The following CLEC1A variants were observed in gnomAD, a reference collection of about 807,000 sequenced individuals.
CLEC1A encodes C-type lectin-like receptor-1.
A neutral mutation model predicts 28.7 loss-of-function variants in CLEC1A; 34 were observed. The observed-to-expected ratio is 1.18, with a 90% CI of 0.90 to 1.57. The LOEUF (loss-of-function observed/expected upper bound fraction) is 1.57, where lower values mean the gene tolerates loss of function less well. Among genes scored for constraint, CLEC1A ranks in the 40% most tolerant of loss-of-function variants. CLEC1A has a pLI of 0.00. For synonymous variants in CLEC1A, 116 were observed against 121.0 expected (o/e 0.96, Z 0.27); for missense variants, 385 against 339.5 (o/e 1.13, Z -1.05).
In CLEC1A at chr12:10,082,509, C is replaced by T. The variant is rs114879540; in HGVS notation, c.215-1096G>A. Among the ~76,000 whole-genome samples, 823 of 152,246 alleles carry T rather than the reference C, an allele frequency of 5.4e-3. 3 individuals carry two copies. The highest frequency in any genetic ancestry group is 0.019 in the African/African-American group (800 of 41,518). ...CCCCCACAGGATTCATGACAAGCCC[C>T]GTCCAAGGAGAGTGGGAGCTCAGAC... On this transcript the variant is annotated intron_variant, in intron 2 of 5. Coordinates refer to ENST00000315330, the MANE Select transcript of CLEC1A (RefSeq NM_016511.4).
intron 1 of CLEC1A, among the ~76,000 whole-genome samples, chr12:10,093,274 A>G (rs575587329): frequency 2.0e-5 from 3 of 151,544 alleles, no homozygotes; most frequent in African/African-American, 7.3e-5. Flanking sequence ...TATTTTTTGG[A>G]AGAGAACCCC....
chr12:10,073,545 G>C, intron 4 of CLEC1A, 134 bp from the exon 5 acceptor site: 2 of 649,058 alleles, frequency 3.1e-6, no homozygotes, highest in South Asian at 4.6e-5. Flanking sequence ...ATATGCTTAA[G>C]AGAAAAAGCA....
chr12:10,093,502 C>T (rs974074802), intron 1 of CLEC1A, among the ~76,000 whole-genome samples: 1 of 151,464 alleles, frequency 6.6e-6, no homozygotes, highest in Non-Finnish European at 1.5e-5. Context: ...GGAGAGTTGT[C>T]AGACTTAACC....
At chr12:10,083,603 G>C (rs572870689) in intron 2 of CLEC1A, among the ~76,000 whole-genome samples, 26 of 152,214 alleles carry the variant, frequency 1.7e-4, no homozygotes, top group Admixed American at 4.6e-4. Flanking sequence ...CTCTCAAGTG[G>C]CTGGGATTAC....
chr12:10,090,736 A>G (rs907659203), intron 1 of CLEC1A, among the ~76,000 whole-genome samples: 2 of 152,124 alleles, frequency 1.3e-5, no homozygotes, highest in African/African-American at 4.8e-5. Flanking sequence ...TGTGAATCTT[A>G]TTTCTTAGCA....
chr12:10,073,822 C>T (rs962604686), intron 4 of CLEC1A, among the ~76,000 whole-genome samples: 5 of 151,808 alleles, frequency 3.3e-5, no homozygotes, highest in Non-Finnish European at 5.9e-5. Flanking sequence ...GTTATAAATA[C>T]CTGGGAAAGG....
chr12:10,077,421 G>A (rs931864160), intron 3 of CLEC1A, among the ~76,000 whole-genome samples: 21 of 151,968 alleles, frequency 1.4e-4, no homozygotes, highest in African/African-American at 5.1e-4. Flanking sequence ...CCACCTCTCT[G>A]CTCCCCCCAA....
intron 1 of CLEC1A, among the ~76,000 whole-genome samples, chr12:10,093,078 C>T (rs1054417441): frequency 2.6e-5 from 4 of 152,080 alleles, no homozygotes; most frequent in African/African-American, 9.7e-5. Flanking sequence ...TTCTTTGATA[C>T]TATTTTTCCT....
intron 3 of CLEC1A, among the ~76,000 whole-genome samples, chr12:10,079,513 C>T (rs1054157246): frequency 1.4e-5 from 2 of 143,462 alleles, no homozygotes; most frequent in Non-Finnish European, 3.0e-5. Flanking sequence ...AGGAAAATCT[C>T]GGTTACCTTA....
chr12:10,072,634 A>AT (rs71434109), intron 5 of CLEC1A, among the ~76,000 whole-genome samples: 16 of 148,074 alleles, frequency 1.1e-4, no homozygotes, highest in Non-Finnish European at 1.5e-5. Flanking sequence ...TCAGGGAAAG[A>AT]TCTCTCTCTC....
chr12:10,071,323 A>G lies in CLEC1A; in HGVS notation c.*10T>C. On this transcript the variant is annotated 3_prime_UTR_variant, in exon 6 of 6. Transcript: ENST00000315330. ...GGCTCACTCTGCTATTTGTAGTTGC[A>G]GAGGGCGAATCAGTCACCTTCGCCT... The G allele has an allele frequency of 6.2e-7, 1 of 1,610,388 alleles. No individual in the cohort carries two copies. Among genetic ancestry groups the G allele is most frequent in the Non-Finnish European group, 8.5e-7 (1 of 1,178,210 alleles).
rs138044051 is a variant in CLEC1A, at chr12:10,089,442, G to A, written c.116-220C>T. 5.3e-4 allele frequency among the ~76,000 whole-genome samples: 81 copies of A among 152,026 alleles called. 1 individual carries two copies. The highest frequency in any genetic ancestry group is 1.8e-3 in the African/African-American group (75 of 41,476). Reference sequence around the variant, plus strand: ...CTAGATTTTCTCACAAGCCCCACCCGTTTGTATCCACCCCTCAAGTCTTAC... The same window carrying A: ...CTAGATTTTCTCACAAGCCCCACCCATTTGTATCCACCCCTCAAGTCTTAC... On this transcript the variant is annotated intron_variant, in intron 1 of 5. Transcript: ENST00000315330.
intron 3 of CLEC1A, 72 bp from the exon 4 acceptor site, chr12:10,075,727 T>G: frequency 7.6e-7 from 1 of 1,319,542 alleles, no homozygotes; most frequent in Non-Finnish European, 1.1e-6. Context: ...AATTATATAG[T>G]ATTTGATGTC....
chr12:10,080,147 A>G (rs1866337121), intron 3 of CLEC1A, among the ~76,000 whole-genome samples: 1 of 152,160 alleles, frequency 6.6e-6, no homozygotes, highest in Non-Finnish European at 1.5e-5. Flanking sequence ...CATCTCTACT[A>G]AAAATACAAG....
intron 2 of CLEC1A, among the ~76,000 whole-genome samples, chr12:10,084,003 GAAA>G: frequency 6.7e-6 from 1 of 150,366 alleles, no homozygotes; most frequent in African/African-American, 2.4e-5. Context: ...AAAGATAATA[GAAA>G]AAAAAAAATG....
chr12:10,083,378 T>A (rs548269555), intron 2 of CLEC1A, among the ~76,000 whole-genome samples: 1 of 152,224 alleles, frequency 6.6e-6, no homozygotes, highest in Non-Finnish European at 1.5e-5. Flanking sequence ...ATCTTTGAAT[T>A]GCCAGATAAA....
Position 10,074,911 on chromosome 12 carries a change from T to G in CLEC1A, c.543+593A>C, listed in dbSNP as rs529852807. ...TGATAAATAAACAACGGCCATACTA[T>G]TTGAGAACTTCAATTCAAAGGCAGT... On this transcript the variant is annotated intron_variant, in intron 4 of 5. Transcript: ENST00000315330. 7.9e-5 allele frequency among the ~76,000 whole-genome samples: 12 copies of G among 152,284 alleles called. No individual in the cohort carries two copies. The East Asian group carries it at 2.3e-3, about 29-fold the overall frequency.
intron 3 of CLEC1A, among the ~76,000 whole-genome samples, chr12:10,078,865 G>C (rs1273500170): frequency 6.6e-6 from 1 of 152,118 alleles, no homozygotes; most frequent in Non-Finnish European, 1.5e-5. Flanking sequence ...GGAGAACTGA[G>C]TGTTAAAAAG....
intron 1 of CLEC1A, among the ~76,000 whole-genome samples, chr12:10,092,747 G>GA (rs940072693): frequency 1.3e-5 from 2 of 151,398 alleles, no homozygotes; most frequent in Non-Finnish European, 2.9e-5. Flanking sequence ...TTCATGAAAA[G>GA]AAAAAAAATA....
Sources: allele counts gnomAD v4.1 joint callset (sites outside exome capture counted in the v4.1 genomes callset), GRCh38; gene constraint gnomAD v4.1.1; transcripts MANE v1.5; gene names NCBI Gene and HGNC (gene_info 2026-07-23, HGNC 2026-07-21).